The following PCDHA5 variants were observed in gnomAD, a reference collection of about 807,000 sequenced individuals.
PCDHA5 encodes the protein protocadherin alpha 5.
In PCDHA5, 43 loss-of-function variants were observed where a neutral mutation model predicts 61.6. That is an observed-to-expected ratio of 0.70 (90% confidence interval 0.55 to 0.90). PCDHA5 has a LOEUF of 0.90. Among genes scored for constraint, PCDHA5 ranks in the 40% least tolerant of loss-of-function variants. The pLI is 0.00. For missense variants in PCDHA5, 1,298 were observed against 1,222.7 expected (o/e 1.06, Z -0.92); for synonymous variants, 627 against 543.9 (o/e 1.15, Z -2.13).
intron 1 of PCDHA5, chr5:140,850,690 G>C (rs2150494322): frequency 3.8e-6 from 6 of 1,598,286 alleles, no homozygotes; most frequent in Admixed American, 1.7e-5. Flanking sequence ...GAGGGCGAGT[G>C]CGCGCCTGGC....
intron 3 of PCDHA5, among the ~76,000 whole-genome samples, chr5:140,992,959 T>A (rs1262703040): frequency 6.6e-6 from 1 of 152,206 alleles, no homozygotes; most frequent in Non-Finnish European, 1.5e-5. Context: ...TCACCCCTTA[T>A]ACTGCTGACA....
chr5:140,982,094 G>T (rs2096965818), intron 2 of PCDHA5, among the ~76,000 whole-genome samples: 1 of 152,230 alleles, frequency 6.6e-6, no homozygotes, highest in Admixed American at 6.5e-5. Context: ...AGGAACAAGA[G>T]AACCTGCAAG....
chr5:140,867,479 A>G (rs1308433664), intron 1 of PCDHA5: 1 of 152,158 alleles, frequency 6.6e-6, no homozygotes, highest in Non-Finnish European at 1.5e-5. Context: ...TTGGGAAAAG[A>G]GTAAATATGA....
At chr5:140,928,099 C>T in intron 1 of PCDHA5, 5 of 1,614,204 alleles carry the variant, frequency 3.1e-6, no homozygotes, top group Non-Finnish European at 4.2e-6. Context: ...TGATGGGCCC[C>T]TGGACCGGGA....
intron 1 of PCDHA5, chr5:140,868,989 C>T (rs1280457697): frequency 1.3e-6 from 2 of 1,506,850 alleles, no homozygotes; most frequent in Non-Finnish European, 1.8e-6. Context: ...CGGATGCCAC[C>T]GTTTAAGGAT....
chr5:140,928,219 C>T (rs2153594773), intron 1 of PCDHA5: 1 of 1,614,166 alleles, frequency 6.2e-7, no homozygotes, highest in African/African-American at 1.3e-5. Flanking sequence ...TGACAATACA[C>T]CAAACTTTCC....
intron 1 of PCDHA5, among the ~76,000 whole-genome samples, chr5:140,972,667 T>G (rs1442293512): frequency 1.3e-5 from 2 of 149,086 alleles, no homozygotes; most frequent in East Asian, 3.9e-4. Context: ...CAAATTTTTT[T>G]TTTTTTTTTT....
chr5:140,865,816 A>G (rs1554159628), intron 1 of PCDHA5: 1 of 152,168 alleles, frequency 6.6e-6, no homozygotes, highest in East Asian at 1.9e-4. Context: ...TTTATCCACT[A>G]TAATGTAGAG....
At chr5:140,863,021 T>A (rs1228071790) in intron 1 of PCDHA5, 1 of 554,192 alleles carries the variant, frequency 1.8e-6, no homozygotes, top group Non-Finnish European at 3.5e-6. Flanking sequence ...CGCCTGGTTG[T>A]CGCAACAGCT....
chr5:140,980,657 A>G (rs553240428), intron 2 of PCDHA5, among the ~76,000 whole-genome samples: 2 of 151,966 alleles, frequency 1.3e-5, no homozygotes, highest in Non-Finnish European at 2.9e-5. Context: ...ATAAAATAAC[A>G]TAACTTCCTT....
In PCDHA5 at chr5:140,848,468, C is replaced by G. The variant is rs983897735; in HGVS notation, c.2352+24341C>G. 7.1e-6 allele frequency: 11 copies of G among 1,547,824 alleles called. 2 individuals are homozygous for G. Among genetic ancestry groups the G allele is most frequent in the Non-Finnish European group, 9.6e-6 (11 of 1,140,172 alleles). On this transcript the variant is annotated intron_variant, in intron 1 of 3. Transcript: ENST00000529859. The stretch of plus-strand genomic sequence containing the variant: ...TCTTCTAATTTGGAGGCAATTTTCA[C>G]TAATTAGAAGAAGACTGAGTATTTG...
At chr5:140,882,481 C>A in intron 1 of PCDHA5, 1 of 1,614,038 alleles carries the variant, frequency 6.2e-7, no homozygotes, top group Non-Finnish European at 8.5e-7. Flanking sequence ...CCAAAAGACA[C>A]GGGGACCTTC....
intron 1 of PCDHA5, chr5:140,875,619 T>G (rs369772491): frequency 7.7e-5 from 125 of 1,613,602 alleles, no homozygotes; most frequent in African/African-American, 7.5e-4. Flanking sequence ...GCCGCATCGC[T>G]CAGGACCTGG....
At chr5:140,824,784 T>G (rs1418969711) in intron 1 of PCDHA5, 1 of 151,890 alleles carries the variant, frequency 6.6e-6, no homozygotes, top group East Asian at 1.9e-4. Context: ...AACACCACCC[T>G]TCCAATTTTG....
chr5:140,835,608 C>A (rs1554135105), intron 1 of PCDHA5: 3 of 1,613,898 alleles, frequency 1.9e-6, no homozygotes, highest in South Asian at 2.2e-5. Flanking sequence ...TTCATTGGTG[C>A]TGGACAGCGC....
At chr5:140,910,154 G>A (rs575042155) in intron 1 of PCDHA5, among the ~76,000 whole-genome samples, 234 of 152,310 alleles carry the variant, frequency 1.5e-3, no homozygotes, top group African/African-American at 4.9e-3. Flanking sequence ...ATTGATTGAG[G>A]GGAAATTGAT....
At chr5:140,875,995 A>AATGAGAATTTTG (rs1554168162) in intron 1 of PCDHA5, 7 of 1,613,958 alleles carry the variant, frequency 4.3e-6, no homozygotes, top group Non-Finnish European at 5.9e-6. Context: ...GTTAAGTCTA[A>AATGAGAATTTTG]ATGAGAATTT....
In PCDHA5 at chr5:140,823,574, C is replaced by T. The variant is rs2150127035; in HGVS notation, c.1799C>T (p.Ser600Leu). The T allele has an allele frequency of 1.3e-5, 21 of 1,613,944 alleles. 1 individual carries two copies. Among genetic ancestry groups the T allele is most frequent in the South Asian group, 1.2e-4 (11 of 91,078 alleles). Residue 600 changes from serine to leucine, a missense_variant, in exon 1 of 4, where the codon TCG becomes TTG. Transcript: ENST00000529859. The stretch of plus-strand genomic sequence containing the variant: ...AAGGTGCGCGCAGTGGACCCTGATT[C>T]GGGCTACAACGCTTGGCTTTCGTAT... ...VAKVRAVDPD[S>L]GYNAWLSYEL...
intron 1 of PCDHA5, among the ~76,000 whole-genome samples, chr5:140,846,820 A>G (rs1780694955): frequency 6.7e-6 from 1 of 149,706 alleles, no homozygotes; most frequent in Non-Finnish European, 1.5e-5. Flanking sequence ...TTTGAGGTCA[A>G]ATAAAGAATA....
Sources: gnomAD v4.1 joint callset for allele counts (sites outside exome capture counted in the v4.1 genomes callset) on GRCh38, gnomAD v4.1.1 for gene constraint, MANE v1.5 for transcripts, NCBI Gene and HGNC (gene_info 2026-07-23, HGNC 2026-07-21) for gene names.